Variants in BAZ2B observed in about 807,000 individuals in gnomAD.
BAZ2B encodes the protein bromodomain adjacent to zinc finger domain protein 2B.
BAZ2B carries 91 observed loss-of-function variants against 246.0 expected under a neutral mutation model. That is an observed-to-expected ratio of 0.37 (90% CI 0.31 to 0.44). BAZ2B has a LOEUF of 0.44. BAZ2B is among the 20% of genes least tolerant of loss of function. BAZ2B has a pLI of 1.00. For missense variants in BAZ2B, 2,332 were observed against 2,533.7 expected, an observed-to-expected ratio of 0.92 and a Z score of 1.71; for synonymous variants, 855 against 860.0, an observed-to-expected ratio of 0.99 and a Z score of 0.10.
At chr2:159,619,782 AT>A (rs1696358503), upstream of BAZ2B, among the ~76,000 whole-genome samples, 1 of 151,950 alleles carries the variant, frequency 6.6e-6, no homozygotes, top group Non-Finnish European at 1.5e-5. Context: ...TTTTCATGTT[AT>A]CATACTTTAT....
the BAZ2B span, among the ~76,000 whole-genome samples, chr2:159,646,677 G>T: frequency 2.0e-5 from 3 of 152,126 alleles, no homozygotes; most frequent in Non-Finnish European, 2.9e-5. Context: ...CATGGCTTCA[G>T]CTGGTTCCTC....
At chr2:159,561,455 C>A (rs2089861705) in intron 1 of BAZ2B, among the ~76,000 whole-genome samples, 2 of 152,184 alleles carry the variant, frequency 1.3e-5, no homozygotes, top group Admixed American at 1.3e-4. Flanking sequence ...GCTTAATAAA[C>A]CTCTTTTCTT....
intron 11 of BAZ2B, 23 bp from the exon 12 acceptor site, chr2:159,428,442 T>C: frequency 6.5e-7 from 1 of 1,541,050 alleles, no homozygotes; most frequent in Non-Finnish European, 8.9e-7. Context: ...GAAATGAAGG[T>C]TATGACATAC....
At chr2:159,372,769 A>T (rs73967848) in intron 27 of BAZ2B, among the ~76,000 whole-genome samples, 2,400 of 152,318 alleles carry the variant, frequency 0.016, 75 homozygotes, top group African/African-American at 0.055. Context: ...CAGCAGCTAT[A>T]AAAGGTAATA....
chr2:159,434,164 A>ATTT (rs1287366859), intron 8 of BAZ2B: 2 of 151,758 alleles, frequency 1.3e-5, no homozygotes, highest in Admixed American at 6.6e-5. Context: ...TATTATTATT[A>ATTT]TTATTATTAT....
At chr2:159,705,685 T>C in the BAZ2B span, among the ~76,000 whole-genome samples, 1 of 152,186 alleles carries the variant, frequency 6.6e-6, no homozygotes, top group Admixed American at 6.5e-5. Flanking sequence ...TTTTTTAAGA[T>C]GTAAGAGATC....
At position 159,325,873 on chromosome 2, in the gene BAZ2B, T is replaced by C. The variant is rs2063643314; in HGVS notation, c.5989A>G (p.Lys1997Glu). ...CCTTTCTTTGACTCATTAGTCTTTT[T>C]TCCTTTGACATGAAGTTTTTTGATT... ...LKIKKLHVKGKKTNESKKGKK... is the reference protein window; with the variant it reads ...LKIKKLHVKGEKTNESKKGKK... Residue 1997 changes from lysine to glutamate, a missense_variant, in exon 35 of 37, where the codon AAA becomes GAA. Coordinates refer to ENST00000392783, the MANE Select transcript of BAZ2B (RefSeq NM_013450.4). The C allele has an allele frequency of 6.3e-7, 1 of 1,595,592 alleles. No homozygotes were observed. The highest frequency in any genetic ancestry group is 8.5e-7 in the Non-Finnish European group (1 of 1,175,644).
At chr2:159,569,766 A>G (rs893512570) in intron 1 of BAZ2B, among the ~76,000 whole-genome samples, 1 of 152,104 alleles carries the variant, frequency 6.6e-6, no homozygotes, top group Admixed American at 6.6e-5. Flanking sequence ...TTGAGACAGC[A>G]GTGAGCTATG....
chr2:159,536,972 T>C (rs1215014379), intron 2 of BAZ2B, among the ~76,000 whole-genome samples: 1 of 152,192 alleles, frequency 6.6e-6, no homozygotes. Flanking sequence ...AAAATGTCGA[T>C]ATCACGATAG....
the BAZ2B span, among the ~76,000 whole-genome samples, chr2:159,676,452 T>A: frequency 1.3e-5 from 2 of 152,198 alleles, no homozygotes; most frequent in Non-Finnish European, 2.9e-5. Flanking sequence ...GCATTATATT[T>A]CTCCTAAATG....
intron 1 of BAZ2B, among the ~76,000 whole-genome samples, chr2:159,592,895 A>G (rs6714899): frequency 0.55 from 84,079 of 152,080 alleles, 24,017 homozygotes; most frequent in East Asian, 0.75. Flanking sequence ...TGAAATATTT[A>G]CTAAACAGAA....
the BAZ2B span, among the ~76,000 whole-genome samples, chr2:159,631,325 TA>T: frequency 6.6e-6 from 1 of 152,360 alleles, no homozygotes; most frequent in Admixed American, 6.5e-5. Context: ...GAACTCATTT[TA>T]TATTTTATAC....
At chr2:159,410,099 G>C (rs2066584312) in intron 14 of BAZ2B, among the ~76,000 whole-genome samples, 1 of 152,170 alleles carries the variant, frequency 6.6e-6, no homozygotes, top group South Asian at 2.1e-4. Flanking sequence ...TTGATTATCA[G>C]TTAATTTCAA....
At chr2:159,349,408 C>A (rs1450329638) in intron 28 of BAZ2B, 128 bp from the exon 29 acceptor site, 6 of 1,028,228 alleles carry the variant, frequency 5.8e-6, no homozygotes, top group African/African-American at 4.9e-5. Flanking sequence ...TACAGGAAAA[C>A]AAAATACATT....
At chr2:159,502,031 C>T (rs187247350) in intron 2 of BAZ2B, among the ~76,000 whole-genome samples, 12 of 152,154 alleles carry the variant, frequency 7.9e-5, no homozygotes, top group African/African-American at 2.7e-4. Context: ...ATGGAAGAAC[C>T]TTGAAAACAC....
rs572047482 is a variant in BAZ2B at position 159,339,851 on chromosome 2, T to C, written c.5455-2079A>G. Among the ~76,000 whole-genome samples the C allele has an allele frequency of 8.5e-5, 13 of 152,220 alleles. No individual in the cohort carries two copies. In the South Asian group the frequency reaches 2.3e-3, roughly 27 times the overall value. On this transcript the variant is annotated intron_variant, in intron 31 of 36. Transcript: ENST00000392783. The stretch of plus-strand genomic sequence containing the variant: ...AAATTATTATATATTCTCACTCATA[T>C]GTGAGAACTAAAAAAGCTACTCTAC...
chr2:159,385,159 C>A lies in BAZ2B; in HGVS notation c.3682G>T (p.Val1228Phe). 6.2e-7 allele frequency: 1 copy of A among 1,611,808 alleles called. No homozygotes were observed. The highest frequency in any genetic ancestry group is 8.5e-7 in the Non-Finnish European group (1 of 1,178,164). ...INELACSKSV[V>F]SEIDKNIDYM... is the part of the protein sequence containing the mutation. Reference sequence around the variant, plus strand: ...AAAGCCTGGGCATATGCTCACCTGACCACACTCTTGCTGCATGCCAGTTCA... The same window carrying A: ...AAAGCCTGGGCATATGCTCACCTGAACACACTCTTGCTGCATGCCAGTTCA... Residue 1228 changes from valine (V) to phenylalanine (F), a missense_variant, in exon 23 of 37, where the codon GTC becomes TTC. Around this residue, in one of 9 missense-constraint regions of BAZ2B, gnomAD observed 328 missense variants for 410.4 expected, o/e 0.80. Transcript: ENST00000392783.
At chr2:159,712,279 G>A in the BAZ2B span, 1 of 152,268 alleles carries the variant, frequency 6.6e-6, no homozygotes, top group East Asian at 1.9e-4. Context: ...CAGCCCAGCT[G>A]CCGGCACGCC....
intron 1 of BAZ2B, among the ~76,000 whole-genome samples, chr2:159,564,140 T>A (rs2151516223): frequency 6.6e-6 from 1 of 152,274 alleles, no homozygotes. Flanking sequence ...AGGAGGTATC[T>A]CTGAGAAGAT....
Sources: allele counts gnomAD v4.1 joint callset (sites outside exome capture counted in the v4.1 genomes callset), GRCh38; gene constraint gnomAD v4.1.1; regional missense constraint gnomAD v4.1.1; transcripts MANE v1.5; gene names NCBI Gene and HGNC (gene_info 2026-07-23, HGNC 2026-07-21).